Variants in NAV2 observed in about 807,000 individuals in gnomAD.
The protein encoded by NAV2 is helicase, APC down-regulated 1.
Under a neutral mutation model 223.2 loss-of-function variants are expected in NAV2, and 54 were observed. That is an observed-to-expected ratio of 0.24 (90% CI 0.19 to 0.30). The LOEUF (loss-of-function observed/expected upper bound fraction) is 0.30. Among genes scored for constraint, NAV2 ranks in the 10% least tolerant of loss-of-function variants. The pLI, the probability that NAV2 is intolerant of heterozygous loss-of-function variation, is 1.00. For synonymous variants in NAV2, 1,279 were observed against 1,239.3 expected, an observed-to-expected ratio of 1.03 and a Z score of -0.67; for missense variants, 2,806 against 3,147.5, an observed-to-expected ratio of 0.89 and a Z score of 2.60.
chr11:19,556,075 C>G (rs1024344748), intron 1 of NAV2, among the ~76,000 whole-genome samples: 1 of 152,162 alleles, frequency 6.6e-6, no homozygotes, highest in African/African-American at 2.4e-5. Context: ...ATTCCATGTG[C>G]TTGCAGCTCC....
intron 19 of NAV2, 44 bp downstream of exon 19, chr11:20,056,001 C>A (rs368046284): frequency 6.4e-7 from 1 of 1,563,060 alleles, no homozygotes; most frequent in African/African-American, 1.4e-5. Context: ...ACTTCCATCT[C>A]CCAGGTTACT....
At chr11:19,510,365 A>G (rs1378129783) in intron 1 of NAV2, among the ~76,000 whole-genome samples, 1 of 152,228 alleles carries the variant, frequency 6.6e-6, no homozygotes, top group East Asian at 1.9e-4. Flanking sequence ...AACCTACATG[A>G]GAGCCAGTTC....
At chr11:19,422,236 C>T (rs1020298830) in intron 1 of NAV2, among the ~76,000 whole-genome samples, 2 of 152,080 alleles carry the variant, frequency 1.3e-5, no homozygotes, top group East Asian at 1.9e-4. Context: ...GTCTGGGGGG[C>T]GGGGAGCGGG....
intron 2 of NAV2, among the ~76,000 whole-genome samples, chr11:19,838,271 C>T (rs1002302881): frequency 2.6e-5 from 4 of 152,272 alleles, no homozygotes; most frequent in Admixed American, 2.6e-4. Context: ...GTTGAGGACC[C>T]ACTCCATCGT....
At chr11:19,405,990 T>A (rs913859240) in intron 1 of NAV2, among the ~76,000 whole-genome samples, 1 of 152,142 alleles carries the variant, frequency 6.6e-6, no homozygotes, top group East Asian at 1.9e-4. Flanking sequence ...AGCAGAAGCA[T>A]GGCATTGGTC....
intron 1 of NAV2, among the ~76,000 whole-genome samples, chr11:19,466,405 C>A (rs1359211969): frequency 6.6e-6 from 1 of 152,206 alleles, no homozygotes; most frequent in Non-Finnish European, 1.5e-5. Context: ...GGGGTGAAGC[C>A]TGCAGTTTCT....
At chr11:19,425,069 A>G (rs1850772973) in intron 1 of NAV2, among the ~76,000 whole-genome samples, 2 of 152,196 alleles carry the variant, frequency 1.3e-5, no homozygotes, top group South Asian at 4.1e-4. Context: ...ACATTTGTGG[A>G]ATACAACCTT....
chr11:19,349,961 G>A (rs966449426), upstream of NAV2, among the ~76,000 whole-genome samples: 8 of 152,084 alleles, frequency 5.3e-5, no homozygotes, highest in Admixed American at 1.3e-4. Flanking sequence ...CCCTCCCTGA[G>A]GACCCTGGTG....
intron 8 of NAV2, among the ~76,000 whole-genome samples, chr11:19,944,986 T>G (rs1431043423): frequency 2.1e-5 from 3 of 143,180 alleles, no homozygotes; most frequent in Non-Finnish European, 4.7e-5. Flanking sequence ...TCTTTCCCTT[T>G]CCCTTTCCAT....
At chr11:19,620,710 G>C (rs1339736194) in intron 1 of NAV2, among the ~76,000 whole-genome samples, 1 of 152,124 alleles carries the variant, frequency 6.6e-6, no homozygotes, top group Non-Finnish European at 1.5e-5. Flanking sequence ...CTCCAAACAG[G>C]GACAATTTGA....
chr11:19,738,562 C>A (rs1298283546), intron 1 of NAV2, among the ~76,000 whole-genome samples: 1 of 152,180 alleles, frequency 6.6e-6, no homozygotes, highest in African/African-American at 2.4e-5. Flanking sequence ...CCAACCCAGA[C>A]CCCGCCCCCA....
At position 20,108,469 on chromosome 11, in the gene NAV2, GTC is replaced by G. The variant is rs1389359049; in HGVS notation, c.6960+689_6960+690del. On this transcript the variant is annotated intron_variant, in intron 36 of 37. Coordinates refer to ENST00000349880, the MANE Select transcript of NAV2 (RefSeq NM_145117.5). ...TTCTTTTTATTTTTTTTTAGACAGA[GTC>G]TTGTTCTGTCACCCAGACTGGAGTA... 4.6e-5 allele frequency among the ~76,000 whole-genome samples: 7 copies of G among 152,168 alleles called. No homozygotes were observed. The East Asian group carries it at 1.4e-3, about 29-fold the overall frequency.
At chr11:19,390,602 T>A (rs1849209758) in intron 1 of NAV2, among the ~76,000 whole-genome samples, 1 of 152,104 alleles carries the variant, frequency 6.6e-6, no homozygotes, top group Admixed American at 6.5e-5. Context: ...AACCAAATGG[T>A]CAGGGAATAG....
Position 19,992,583 on chromosome 11 carries a change from C to CTTTT in NAV2, c.2768+8355_2768+8358dup, listed in dbSNP as rs780559920. On this transcript the variant is annotated intron_variant, in intron 11 of 37. Transcript: ENST00000349880. ...AGAGTATAATCATGCTCCTGAAGTA[C>CTTTT]TTTTTTTTTTTTTTTTTTTTTTGAG... Among the ~76,000 whole-genome samples the CTTTT allele has an allele frequency of 6.5e-4, 67 of 103,538 alleles. 2 individuals carry two copies. Among genetic ancestry groups the CTTTT allele is most frequent in the Non-Finnish European group, 8.4e-4 (46 of 54,824 alleles). 67.9% of individuals were successfully genotyped at this position (103,538 alleles called of 152,430 possible).
chr11:19,528,317 C>A (rs1336220737), intron 1 of NAV2, among the ~76,000 whole-genome samples: 1 of 152,200 alleles, frequency 6.6e-6, no homozygotes, highest in Non-Finnish European at 1.5e-5. Context: ...ACCTTCTGGT[C>A]TTTGCCTTCC....
chr11:19,347,770 G>C (rs1256666451), upstream of NAV2, among the ~76,000 whole-genome samples: 2 of 152,186 alleles, frequency 1.3e-5, no homozygotes, highest in Non-Finnish European at 2.9e-5. Flanking sequence ...CAACAATTCA[G>C]TTAAATGTTC....
intron 10 of NAV2, among the ~76,000 whole-genome samples, chr11:19,982,549 AC>A (rs1159769870): frequency 2.0e-5 from 3 of 152,188 alleles, no homozygotes; most frequent in Non-Finnish European, 4.4e-5. Context: ...CATTTTCAGC[AC>A]AAGCACAAAC....
chr11:19,888,061 C>T (rs570298553), intron 5 of NAV2, among the ~76,000 whole-genome samples: 1 of 152,182 alleles, frequency 6.6e-6, no homozygotes, highest in South Asian at 2.1e-4. Flanking sequence ...ATTGGCTCTG[C>T]ACACGTTGGA....
chr11:19,500,550 G>A (rs1280887898), intron 1 of NAV2, among the ~76,000 whole-genome samples: 2 of 152,088 alleles, frequency 1.3e-5, no homozygotes, highest in Admixed American at 6.5e-5. Flanking sequence ...TATCACATCT[G>A]AAAAATATTT....
Sources: gnomAD v4.1 joint callset for allele counts (sites outside exome capture counted in the v4.1 genomes callset) on GRCh38, gnomAD v4.1.1 for gene constraint, MANE v1.5 for transcripts, NCBI Gene and HGNC (gene_info 2026-07-23, HGNC 2026-07-21) for gene names.